Variants in LHFPL3 observed in about 807,000 individuals in gnomAD.
LHFPL3 encodes the protein LHFPL tetraspan subfamily member 3 protein.
A neutral mutation model predicts 19.3 loss-of-function variants in LHFPL3; 5 were observed. The observed-to-expected ratio is 0.26, with a 90% CI of 0.14 to 0.54. LHFPL3 has a LOEUF of 0.54. Among genes scored for constraint, LHFPL3 ranks in the 20% least tolerant of loss-of-function variants. The probability of loss-of-function intolerance (pLI) is 0.94; values close to 1 mark genes in which losing one functional copy is unlikely to be tolerated. For synonymous variants in LHFPL3, 133 were observed against 126.2 expected (o/e 1.05, Z -0.36); for missense variants, 249 against 307.4 (o/e 0.81, Z 1.42).
chr7:104,408,864 C>CCTTTTTTTTTTTT (rs1791475527), intron 1 of LHFPL3, among the ~76,000 whole-genome samples: 1 of 105,436 alleles, frequency 9.5e-6, no homozygotes, highest in South Asian at 3.2e-4. Context: ...AATTTTCTTT[C>CCTTTTTTTTTTTT]TTTTTTTTTT....
chr7:104,563,970 C>T (rs73409739), intron 1 of LHFPL3, among the ~76,000 whole-genome samples: 2,665 of 152,250 alleles, frequency 0.018, 73 homozygotes, highest in African/African-American at 0.061. Flanking sequence ...ATAGAAAATA[C>T]CTAATAACAA....
At chr7:104,400,339 C>G (rs1791291619) in intron 1 of LHFPL3, among the ~76,000 whole-genome samples, 1 of 151,956 alleles carries the variant, frequency 6.6e-6, no homozygotes, top group Non-Finnish European at 1.5e-5. Flanking sequence ...ATAAATTATA[C>G]TGCAACTAAG....
At chr7:104,443,033 C>A (rs1049957139) in intron 1 of LHFPL3, among the ~76,000 whole-genome samples, 4 of 152,160 alleles carry the variant, frequency 2.6e-5, no homozygotes, top group Non-Finnish European at 5.9e-5. Context: ...CTTGCATTAT[C>A]TTGGAAGAGT....
intron 1 of LHFPL3, among the ~76,000 whole-genome samples, chr7:104,558,390 A>G (rs1156965626): frequency 6.7e-6 from 1 of 149,690 alleles, no homozygotes; most frequent in Non-Finnish European, 1.5e-5. Flanking sequence ...GTGAGATGGT[A>G]TCTCATTGTG....
rs750690594 is a variant in LHFPL3 at position 104,329,078 on chromosome 7, T to G, written c.299T>G (p.Leu100Arg). 2 of 1,614,072 alleles carry G rather than the reference T, an allele frequency of 1.2e-6. No individual in the cohort carries two copies. The highest frequency in any genetic ancestry group is 3.3e-5 in the Admixed American group (2 of 60,038). The change falls in exon 1 of 3, where the codon CTG becomes CGG. Residue 100 changes from leucine (L) to arginine (R), a missense_variant. Physicochemically the swap from Leu to Arg is moderately radical, Grantham distance 102 (BLOSUM62 -2). Coordinates refer to ENST00000424859, the MANE Select transcript of LHFPL3 (RefSeq NM_199000.3). ...GGCAGCTTCACGGACTTCTCCACGC[T>G]GCCCTCGGGCGCCTTCAAAGCCGCC... ...CRGSFTDFST[L>R]PSGAFKAASF...
At chr7:104,486,432 A>T (rs1186654613) in intron 1 of LHFPL3, among the ~76,000 whole-genome samples, 1 of 152,082 alleles carries the variant, frequency 6.6e-6, no homozygotes, top group Non-Finnish European at 1.5e-5. Flanking sequence ...TGGCTGGGAA[A>T]CCCAGGATCA....
At chr7:104,665,519 C>T (rs1792316302) in intron 1 of LHFPL3, among the ~76,000 whole-genome samples, 1 of 152,138 alleles carries the variant, frequency 6.6e-6, no homozygotes, top group African/African-American at 2.4e-5. Flanking sequence ...ACTTTGACTC[C>T]TCTGTGTGCA....
chr7:104,666,707 C>G (rs4568558), intron 1 of LHFPL3, among the ~76,000 whole-genome samples: 68,382 of 148,268 alleles, frequency 0.46, 16,390 homozygotes, highest in South Asian at 0.65. Context: ...ATTTTTAGTA[C>G]AGACGGGGTT....
chr7:104,413,553 C>T (rs1791570258), intron 1 of LHFPL3, among the ~76,000 whole-genome samples: 1 of 152,158 alleles, frequency 6.6e-6, no homozygotes, highest in African/African-American at 2.4e-5. Flanking sequence ...AAAGCTTGTT[C>T]GAGGTCACAT....
chr7:104,623,260 C>T (rs1177350248), intron 1 of LHFPL3, among the ~76,000 whole-genome samples: 1 of 151,414 alleles, frequency 6.6e-6, no homozygotes, highest in African/African-American at 2.4e-5. Context: ...ATTCCTCTTT[C>T]AATCTGGGCT....
At chr7:104,763,092 C>G (rs1217534140) in intron 2 of LHFPL3, among the ~76,000 whole-genome samples, 1 of 152,214 alleles carries the variant, frequency 6.6e-6, no homozygotes, top group Non-Finnish European at 1.5e-5. Flanking sequence ...CAAAAATAGT[C>G]TAACCTCTTT....
At chr7:104,744,141 T>C (rs1010447264) in intron 2 of LHFPL3, 4 of 152,272 alleles carry the variant, frequency 2.6e-5, no homozygotes, top group South Asian at 2.1e-4. Flanking sequence ...TCAATTCTTA[T>C]AGATGCTTGT....
chr7:104,831,181 C>T (rs1162899447), intron 2 of LHFPL3, among the ~76,000 whole-genome samples: 1 of 151,302 alleles, frequency 6.6e-6, no homozygotes, highest in Non-Finnish European at 1.5e-5. Context: ...CTTATCCAAA[C>T]TGTCTTAATC....
At chr7:104,519,217 G>C (rs1793994528) in intron 1 of LHFPL3, among the ~76,000 whole-genome samples, 1 of 152,112 alleles carries the variant, frequency 6.6e-6, no homozygotes, top group African/African-American at 2.4e-5. Context: ...AATGGTGTTA[G>C]AGTGGGATTT....
chr7:104,340,997 A>G, intron 1 of LHFPL3, among the ~76,000 whole-genome samples: 1 of 152,210 alleles, frequency 6.6e-6, no homozygotes, highest in East Asian at 1.9e-4. Flanking sequence ...AGTTCTTCCA[A>G]ATGGTAGAGA....
chr7:104,597,233 A>G (rs1356980007), intron 1 of LHFPL3, among the ~76,000 whole-genome samples: 3 of 152,240 alleles, frequency 2.0e-5, no homozygotes, highest in Non-Finnish European at 4.4e-5. Context: ...CTTTTTTGGA[A>G]TAAATGTTCT....
intron 1 of LHFPL3, among the ~76,000 whole-genome samples, chr7:104,569,013 G>A (rs1790176806): frequency 6.6e-6 from 1 of 152,162 alleles, no homozygotes; most frequent in Non-Finnish European, 1.5e-5. Flanking sequence ...ATTAATAAAT[G>A]TGGTGATTGG....
intron 1 of LHFPL3, among the ~76,000 whole-genome samples, chr7:104,645,290 T>G (rs899228351): frequency 6.6e-6 from 1 of 152,188 alleles, no homozygotes; most frequent in African/African-American, 2.4e-5. Context: ...TTGCAAAGAT[T>G]AATTTTGCCC....
intron 1 of LHFPL3, among the ~76,000 whole-genome samples, chr7:104,552,583 A>G (rs1469058883): frequency 6.6e-6 from 1 of 152,182 alleles, no homozygotes; most frequent in Non-Finnish European, 1.5e-5. Flanking sequence ...GGGAATCACC[A>G]TTGCTTTTGA....
Sources: gnomAD v4.1 joint callset for allele counts (sites outside exome capture counted in the v4.1 genomes callset) on GRCh38, gnomAD v4.1.1 for gene constraint, MANE v1.5 for transcripts, NCBI Gene and HGNC (gene_info 2026-07-23, HGNC 2026-07-21) for gene names.